Variants in MKLN1 observed in about 807,000 individuals in gnomAD.
The protein encoded by MKLN1 is muskelin.
Under a neutral mutation model 99.0 loss-of-function variants are expected in MKLN1, and 18 were observed. That is an observed-to-expected ratio of 0.18 (90% CI 0.13 to 0.27). The LOEUF (loss-of-function observed/expected upper bound fraction) is 0.27. MKLN1 is among the 10% of genes least tolerant of loss of function. The pLI is 1.00. For synonymous variants in MKLN1, 288 were observed against 293.2 expected, an observed-to-expected ratio of 0.98 and a Z score of 0.18; for missense variants, 621 against 875.9, an observed-to-expected ratio of 0.71 and a Z score of 3.67.
At chr7:131,122,157 G>C (rs1042350265) in intron 1 of MKLN1, among the ~76,000 whole-genome samples, 9 of 152,204 alleles carry the variant, frequency 5.9e-5, no homozygotes, top group Non-Finnish European at 1.0e-4. Context: ...TAAATGATCA[G>C]TAAACTTTTG....
chr7:131,271,618 TAA>T (rs757729397), intron 3 of MKLN1, among the ~76,000 whole-genome samples: 167 of 102,200 alleles, frequency 1.6e-3, no homozygotes, highest in Non-Finnish European at 1.6e-3. Context: ...CTCCGTCTCC[TAA>T]AAAAAAAAAA....
At chr7:131,181,660 A>ATTT (rs3078424) in intron 2 of MKLN1, among the ~76,000 whole-genome samples, 1 of 135,948 alleles carries the variant, frequency 7.4e-6, no homozygotes. Context: ...CCTCATCCCT[A>ATTT]TTTTTTTTTT....
In MKLN1 at chr7:131,344,952, C is replaced by T. The variant is rs531574348; in HGVS notation, c.98+16955C>T. Among the ~76,000 whole-genome samples the T allele has an allele frequency of 4.5e-3, 686 of 152,256 alleles. 1 individual carries two copies. The highest frequency in any genetic ancestry group is 7.6e-3 in the Non-Finnish European group (517 of 68,016). ...GAGTAGCTGGGATTACAGGCACGCA[C>T]CACTGCGCCTGGCTAATTTTTTTTT... On this transcript the variant is annotated intron_variant, in intron 1 of 17. Transcript: ENST00000352689.
intron 3 of MKLN1, among the ~76,000 whole-genome samples, chr7:131,254,057 A>G (rs1283567224): frequency 6.6e-6 from 1 of 152,212 alleles, no homozygotes; most frequent in East Asian, 1.9e-4. Context: ...ATGACCAGCA[A>G]CTAGAGGAGC....
At chr7:131,362,841 G>GAAA (rs565374293) in intron 1 of MKLN1, among the ~76,000 whole-genome samples, 16 of 149,422 alleles carry the variant, frequency 1.1e-4, no homozygotes, top group African/African-American at 3.7e-4. Context: ...CCTTGTTTCT[G>GAAA]AAAAAAAAAC....
chr7:131,197,094 A>G (rs1477005751), intron 2 of MKLN1, among the ~76,000 whole-genome samples: 1 of 152,230 alleles, frequency 6.6e-6, no homozygotes, highest in East Asian at 1.9e-4. Context: ...AGGTTTCAGA[A>G]TCAAGACAAA....
intron 3 of MKLN1, among the ~76,000 whole-genome samples, chr7:131,287,236 T>C (rs57617875): frequency 0.25 from 37,557 of 152,256 alleles, 6,212 homozygotes; most frequent in African/African-American, 0.48. Context: ...TCCATCTGGC[T>C]CCTGTCCTGG....
intron 6 of MKLN1, among the ~76,000 whole-genome samples, chr7:131,410,932 T>C (rs955460879): frequency 2.6e-5 from 4 of 152,182 alleles, no homozygotes; most frequent in Non-Finnish European, 5.9e-5. Flanking sequence ...TGACTTTTTT[T>C]CCCCTCCCAG....
At chr7:131,110,426 G>A (rs1238155962) in intron 1 of MKLN1, among the ~76,000 whole-genome samples, 2 of 152,184 alleles carry the variant, frequency 1.3e-5, no homozygotes, top group Admixed American at 6.5e-5. Flanking sequence ...AGAGGGTGGA[G>A]TGGTGCATCC....
chr7:131,463,145 A>G, intron 12 of MKLN1, 72 bp from the exon 13 acceptor site: 3 of 1,264,872 alleles, frequency 2.4e-6, no homozygotes, highest in Non-Finnish European at 3.3e-6. Context: ...AAGAAAAGAA[A>G]GGAAGGAAGG....
In MKLN1 at chr7:131,231,358, C is replaced by G. The variant is rs1421877687; in HGVS notation, c.-179+28384C>G. On this transcript the variant is annotated intron_variant, in intron 3 of 7. Transcript: ENST00000416992. The stretch of plus-strand genomic sequence containing the variant: ...ACAACCCCAATTCTCGTTTCTTCCC[C>G]CTGTGTATCACTACATGCAGCCTGA... Among the ~76,000 whole-genome samples, 6 of 152,048 alleles carry G rather than the reference C, an allele frequency of 3.9e-5. No homozygotes were observed. The East Asian group carries it at 1.2e-3, about 29-fold the overall frequency.
intron 3 of MKLN1, among the ~76,000 whole-genome samples, chr7:131,275,567 A>ATATATATATATATATTTTT (rs1336398554): frequency 1.8e-4 from 1 of 5,620 alleles, no homozygotes; most frequent in African/African-American, 4.0e-4. Flanking sequence ...ATATATATAT[A>ATATATATATATATATTTTT]TTTTTTTTTT....
intron 3 of MKLN1, among the ~76,000 whole-genome samples, chr7:131,291,101 T>TTTCA (rs1554547693): frequency 7.4e-6 from 1 of 134,842 alleles, no homozygotes; most frequent in African/African-American, 2.9e-5. Flanking sequence ...TCTCATTTTA[T>TTTCA]TTTATTTATT....
intron 1 of MKLN1, among the ~76,000 whole-genome samples, chr7:131,116,800 T>G (rs1795284680): frequency 6.6e-6 from 1 of 152,082 alleles, no homozygotes; most frequent in Non-Finnish European, 1.5e-5. Flanking sequence ...GCATCACAAC[T>G]GCAGTGACAT....
intron 10 of MKLN1, among the ~76,000 whole-genome samples, chr7:131,442,854 G>A (rs1256920440): frequency 6.6e-6 from 1 of 152,164 alleles, no homozygotes; most frequent in East Asian, 1.9e-4. Context: ...AATAAAGCTT[G>A]ACTTTTAAAC....
At chr7:131,197,943 T>G (rs530746154) in intron 2 of MKLN1, among the ~76,000 whole-genome samples, 1 of 152,186 alleles carries the variant, frequency 6.6e-6, no homozygotes, top group South Asian at 2.1e-4. Flanking sequence ...CAAGCTGTCC[T>G]CCCACCTCGG....
chr7:131,275,560 TATA>T (rs1326547649), intron 3 of MKLN1, among the ~76,000 whole-genome samples: 28 of 30,802 alleles, frequency 9.1e-4, no homozygotes, highest in Non-Finnish European at 9.8e-4. Context: ...TATATATATA[TATA>T]TATATTTTTT....
chr7:131,388,165 T>TCAAAAA (rs369629713), intron 3 of MKLN1, among the ~76,000 whole-genome samples: 40 of 152,136 alleles, frequency 2.6e-4, no homozygotes, highest in East Asian at 1.3e-3. Context: ...AGACTCTGTC[T>TCAAAAA]CAAAAACAAA....
chr7:131,426,904 G>GCCA (rs1795373996), intron 8 of MKLN1, among the ~76,000 whole-genome samples: 1 of 151,982 alleles, frequency 6.6e-6, no homozygotes, highest in Admixed American at 6.6e-5. Flanking sequence ...ACAGATGTGT[G>GCCA]CCACCATGCC....
Sources: gnomAD v4.1 joint callset for allele counts (sites outside exome capture counted in the v4.1 genomes callset) on GRCh38, gnomAD v4.1.1 for gene constraint, MANE v1.5 for transcripts, NCBI Gene and HGNC (gene_info 2026-07-23, HGNC 2026-07-21) for gene names.